The following RAB27B variants were observed in gnomAD, a reference collection of about 807,000 sequenced individuals.
RAB27B encodes ras-related protein Rab-27B.
Under a neutral mutation model 24.6 loss-of-function variants are expected in RAB27B, and 15 were observed. That is an observed-to-expected ratio of 0.61 (90% CI 0.41 to 0.94). RAB27B has a LOEUF of 0.94. Among genes scored for constraint, RAB27B ranks in the 40% least tolerant of loss-of-function variants. The pLI is 0.00. For synonymous variants in RAB27B, 105 were observed against 92.5 expected (o/e 1.14, Z -0.78); for missense variants, 261 against 266.8 (o/e 0.98, Z 0.15).
chr18:54,783,060 C>G (rs757723713), intron 2 of RAB27B, among the ~76,000 whole-genome samples: 2 of 151,978 alleles, frequency 1.3e-5, no homozygotes, highest in Non-Finnish European at 2.9e-5. Flanking sequence ...TGGGTTCAAA[C>G]GATTCTTCCG....
chr18:54,728,823 C>T (rs1909627131), intron 2 of RAB27B, among the ~76,000 whole-genome samples: 2 of 119,436 alleles, frequency 1.7e-5, no homozygotes, highest in South Asian at 5.7e-4. Context: ...TTGCTGTGAA[C>T]CAAGATCACA....
At position 54,725,413 on chromosome 18, in the gene RAB27B, T is replaced by G. The variant is rs1377076616; in HGVS notation, c.-20+7272T>G. Among the ~76,000 whole-genome samples the G allele has an allele frequency of 4.6e-5, 7 of 151,580 alleles. No homozygotes were observed. In the East Asian group the frequency reaches 1.3e-3, roughly 29 times the overall value. On this transcript the variant is annotated intron_variant, in intron 2 of 4. Coordinates refer to the RAB27B transcript ENST00000586570. ...CTACGTGACTTCAATGTACCTTACT[T>G]ACCTCATTGAAATTCCATGTAAAAA... is the stretch of plus-strand genomic sequence containing the variant.
chr18:54,847,619 G>C (rs1449203239), intron 1 of RAB27B, among the ~76,000 whole-genome samples: 1 of 152,064 alleles, frequency 6.6e-6, no homozygotes, highest in Non-Finnish European at 1.5e-5. Context: ...TCTTACTACT[G>C]ATGTTAAAAT....
At chr18:54,756,458 G>GT (rs1055003014) in intron 2 of RAB27B, among the ~76,000 whole-genome samples, 33 of 151,892 alleles carry the variant, frequency 2.2e-4, no homozygotes, top group South Asian at 4.2e-4. Flanking sequence ...TTTCTACCAT[G>GT]TTTTTTTTCC....
At chr18:54,834,987 G>A (rs891234368) in intron 1 of RAB27B, among the ~76,000 whole-genome samples, 5 of 151,792 alleles carry the variant, frequency 3.3e-5, no homozygotes, top group African/African-American at 1.2e-4. Flanking sequence ...AGCAAAATCA[G>A]CTTGTATTAT....
At chr18:54,783,022 A>G (rs1908964474) in intron 2 of RAB27B, among the ~76,000 whole-genome samples, 1 of 151,620 alleles carries the variant, frequency 6.6e-6, no homozygotes, top group Non-Finnish European at 1.5e-5. Context: ...CAGTGGTGTG[A>G]TCTCAGCTCA....
chr18:54,760,135 C>T (rs1347023512), intron 2 of RAB27B, among the ~76,000 whole-genome samples: 6 of 152,140 alleles, frequency 3.9e-5, no homozygotes, highest in Non-Finnish European at 8.8e-5. Context: ...GCCGTGGGGG[C>T]CACACAAAGT....
upstream of RAB27B, among the ~76,000 whole-genome samples, chr18:54,824,602 G>A (rs1861620793): frequency 1.3e-5 from 2 of 152,250 alleles, no homozygotes; most frequent in African/African-American, 4.8e-5. Context: ...GATCTCAGGG[G>A]TTATTTTATG....
chr18:54,785,276 A>G (rs1481546931), intron 2 of RAB27B, among the ~76,000 whole-genome samples: 1 of 149,500 alleles, frequency 6.7e-6, no homozygotes, highest in East Asian at 2.0e-4. Flanking sequence ...TTTTTTTTGT[A>G]TTTTAGGTAG....
intron 1 of RAB27B, among the ~76,000 whole-genome samples, chr18:54,837,664 T>C (rs1910948890): frequency 6.6e-6 from 1 of 151,958 alleles, no homozygotes; most frequent in Admixed American, 6.6e-5. Flanking sequence ...GGAGTAACCA[T>C]AAGAGAGGAA....
upstream of RAB27B, among the ~76,000 whole-genome samples, chr18:54,825,468 A>AGT (rs1910441622): frequency 2.1e-5 from 3 of 141,360 alleles, no homozygotes; most frequent in South Asian, 4.6e-4. Context: ...GATTTCCATT[A>AGT]GTCAGAATTT....
At chr18:54,739,353 T>A (rs889296034) in intron 2 of RAB27B, among the ~76,000 whole-genome samples, 4 of 150,914 alleles carry the variant, frequency 2.7e-5, no homozygotes, top group Non-Finnish European at 5.9e-5. Context: ...CTACTTGGGA[T>A]GCTGAGGCAT....
chr18:54,764,484 A>T (rs73959301), intron 2 of RAB27B, among the ~76,000 whole-genome samples: 1 of 152,146 alleles, frequency 6.6e-6, no homozygotes, highest in Non-Finnish European at 1.5e-5. Flanking sequence ...GCACAATGGG[A>T]ATGATAATAA....
intron 2 of RAB27B, among the ~76,000 whole-genome samples, chr18:54,761,698 AT>A (rs1908194779): frequency 6.6e-6 from 1 of 152,180 alleles, no homozygotes; most frequent in African/African-American, 2.4e-5. Flanking sequence ...CAATAATCCA[AT>A]GTGTCAATAA....
At chr18:54,810,529 A>G (rs1909927846) in intron 2 of RAB27B, among the ~76,000 whole-genome samples, 1 of 152,064 alleles carries the variant, frequency 6.6e-6, no homozygotes, top group African/African-American at 2.4e-5. Context: ...ATGTTGAATG[A>G]ATGAATTAAA....
chr18:54,784,735 T>C lies in RAB27B; in HGVS notation c.-20+66594T>C, dbSNP rs150280359. ...CACTGTCGATAGGCACCTGGGTTGA[T>C]TCCATGTCTTTGCTATTGTGAATAG... On this transcript the variant is annotated intron_variant, in intron 2 of 4. Coordinates refer to the RAB27B transcript ENST00000586570. Among the ~76,000 whole-genome samples, 179 of 152,334 alleles carry C rather than the reference T, an allele frequency of 1.2e-3. 1 individual carries two copies. The highest frequency in any genetic ancestry group is 4.2e-3 in the East Asian group (22 of 5,184).
intron 2 of RAB27B, among the ~76,000 whole-genome samples, chr18:54,733,055 A>AT (rs1343852647): frequency 1.3e-5 from 2 of 151,646 alleles, no homozygotes; most frequent in African/African-American, 2.4e-5. Context: ...TTTATTTTTT[A>AT]TTTTTTTAGA....
chr18:54,809,403 A>G (rs148158332), intron 2 of RAB27B, among the ~76,000 whole-genome samples: 2 of 152,260 alleles, frequency 1.3e-5, no homozygotes, highest in East Asian at 3.9e-4. Flanking sequence ...AGCAGACCAC[A>G]TGCCTCAGGG....
At chr18:54,732,066 T>G (rs1909748848) in intron 2 of RAB27B, among the ~76,000 whole-genome samples, 1 of 152,220 alleles carries the variant, frequency 6.6e-6, no homozygotes, top group African/African-American at 2.4e-5. Context: ...AGCTCTCTGA[T>G]AAAGAATGAC....
Sources: gnomAD v4.1 joint callset for allele counts (sites outside exome capture counted in the v4.1 genomes callset) on GRCh38, gnomAD v4.1.1 for gene constraint, MANE v1.5 for transcripts, NCBI Gene and HGNC (gene_info 2026-07-23, HGNC 2026-07-21) for gene names.